The following BTBD9 variants were observed in gnomAD, a reference collection of about 807,000 sequenced individuals.
BTBD9 encodes BTB domain containing 9.
Under a neutral mutation model 64.3 loss-of-function variants are expected in BTBD9, and 49 were observed. The observed-to-expected ratio is 0.76, with a 90% CI of 0.61 to 0.97. BTBD9 has a LOEUF of 0.97. BTBD9 is among the 50% of genes least tolerant of loss of function. The pLI is 0.00. For missense variants in BTBD9, 598 were observed against 762.1 expected, an observed-to-expected ratio of 0.78 and a Z score of 2.53; for synonymous variants, 260 against 274.7, an observed-to-expected ratio of 0.95 and a Z score of 0.53.
chr6:38,363,332 AG>A lies in BTBD9; in HGVS notation c.1155-18240del, dbSNP rs376519057. ...AAGCCTTTGGGGAGGCCAAGGCAGG[AG>A]GACTGCTTGAGGCCAGGAGTTCAAG... On this transcript the variant is annotated intron_variant, in intron 6 of 10. Transcript: ENST00000481247. Among the ~76,000 whole-genome samples, 37 of 152,328 alleles carry A rather than the reference AG, an allele frequency of 2.4e-4. 1 individual carries two copies. The East Asian group carries it at 6.7e-3, about 28-fold the overall frequency.
At chr6:38,327,790 A>T in intron 7 of BTBD9, among the ~76,000 whole-genome samples, 1 of 152,248 alleles carries the variant, frequency 6.6e-6, no homozygotes, top group East Asian at 1.9e-4. Flanking sequence ...ACATAAATAG[A>T]ATCACACAGT....
intron 6 of BTBD9, among the ~76,000 whole-genome samples, chr6:38,364,855 T>C (rs1487013277): frequency 3.3e-5 from 5 of 152,182 alleles, no homozygotes; most frequent in African/African-American, 1.2e-4. Context: ...CCTGTAGATC[T>C]TGAGAAAGAG....
chr6:38,298,106 C>T (rs1762230057), intron 7 of BTBD9, among the ~76,000 whole-genome samples: 1 of 151,960 alleles, frequency 6.6e-6, no homozygotes, highest in East Asian at 1.9e-4. Context: ...CTGCCCGCCT[C>T]GGCCTCCCAA....
At chr6:38,176,395 T>C (rs1171346383) in intron 10 of BTBD9, among the ~76,000 whole-genome samples, 1 of 152,252 alleles carries the variant, frequency 6.6e-6, no homozygotes, top group African/African-American at 2.4e-5. Flanking sequence ...ATATGAAGAC[T>C]GAGACCGTGT....
chr6:38,636,795 C>CA (rs1184259531), intron 1 of BTBD9, among the ~76,000 whole-genome samples: 1 of 152,036 alleles, frequency 6.6e-6, no homozygotes, highest in Non-Finnish European at 1.5e-5. Flanking sequence ...AATTTGGCTC[C>CA]AAAAACAGCT....
chr6:38,457,761 A>G (rs2127347398), intron 6 of BTBD9, among the ~76,000 whole-genome samples: 1 of 152,324 alleles, frequency 6.6e-6, no homozygotes, highest in Middle Eastern at 3.4e-3. Flanking sequence ...TAGAGAAAAT[A>G]GGGAGTTCAG....
At chr6:38,176,233 C>T (rs773040712) in intron 10 of BTBD9, among the ~76,000 whole-genome samples, 2 of 152,172 alleles carry the variant, frequency 1.3e-5, no homozygotes, top group Non-Finnish European at 2.9e-5. Flanking sequence ...GGCCTTCTAC[C>T]GTAGAATCAA....
chr6:38,308,927 A>G (rs1029558047), intron 7 of BTBD9, among the ~76,000 whole-genome samples: 1 of 151,114 alleles, frequency 6.6e-6, no homozygotes, highest in African/African-American at 2.4e-5. Context: ...CTGGGCCAAC[A>G]GAGTTATTTT....
intron 9 of BTBD9, among the ~76,000 whole-genome samples, chr6:38,217,562 G>A (rs778374818): frequency 2.0e-5 from 3 of 152,150 alleles, no homozygotes; most frequent in African/African-American, 4.8e-5. Context: ...CTGGTCAGGC[G>A]GAGAGGTTTG....
intron 1 of BTBD9, among the ~76,000 whole-genome samples, chr6:38,599,012 T>A (rs1467642233): frequency 6.6e-6 from 1 of 152,126 alleles, no homozygotes; most frequent in Non-Finnish European, 1.5e-5. Context: ...GCTCCCCACA[T>A]CCAACAAAAG....
At chr6:38,237,405 A>T (rs1432805462) in intron 9 of BTBD9, among the ~76,000 whole-genome samples, 1 of 152,248 alleles carries the variant, frequency 6.6e-6, no homozygotes, top group Non-Finnish European at 1.5e-5. Flanking sequence ...CCTGCATGTT[A>T]GTTGCCACCA....
chr6:38,503,218 G>A (rs1247053139), intron 6 of BTBD9, among the ~76,000 whole-genome samples: 1 of 151,166 alleles, frequency 6.6e-6, no homozygotes, highest in Non-Finnish European at 1.5e-5. Context: ...ATCCCCCATC[G>A]CCCTACTCTC....
intron 8 of BTBD9, among the ~76,000 whole-genome samples, chr6:38,284,436 T>C (rs1335520537): frequency 1.3e-5 from 2 of 152,234 alleles, no homozygotes; most frequent in Non-Finnish European, 2.9e-5. Flanking sequence ...TGGGTAGAGC[T>C]AGAGGCCAAG....
intron 9 of BTBD9, among the ~76,000 whole-genome samples, chr6:38,229,055 G>A (rs976267500): frequency 5.3e-5 from 8 of 151,560 alleles, no homozygotes; most frequent in African/African-American, 1.7e-4. Flanking sequence ...AAAATTATCT[G>A]GGCATGATGA....
rs1419228563 is a variant in BTBD9, at chr6:38,599,256, A to C, written c.-27-1135T>G. Among the ~76,000 whole-genome samples, 3 of 152,168 alleles carry C rather than the reference A, an allele frequency of 2.0e-5. No individual in the cohort carries two copies. In the East Asian group the frequency reaches 5.8e-4, roughly 29 times the overall value. On this transcript the variant is annotated intron_variant, in intron 1 of 10. Transcript: ENST00000481247. ...GGGGTTATAGTCTTAGAAAGCTAAA[A>C]ATGTTTATATTTTTTAATACCGAAT...
chr6:38,370,802 A>C (rs917154140), intron 6 of BTBD9, among the ~76,000 whole-genome samples: 1 of 152,230 alleles, frequency 6.6e-6, no homozygotes, highest in African/African-American at 2.4e-5. Context: ...CAAGTACTGA[A>C]ATTTGCCCTT....
chr6:38,377,285 C>T (rs947691839), intron 6 of BTBD9, among the ~76,000 whole-genome samples: 5 of 152,120 alleles, frequency 3.3e-5, no homozygotes, highest in Non-Finnish European at 5.9e-5. Flanking sequence ...GAAACCATGT[C>T]GGTCACAGCA....
At chr6:38,519,519 T>C (rs1562289814) in intron 6 of BTBD9, among the ~76,000 whole-genome samples, 1 of 152,214 alleles carries the variant, frequency 6.6e-6, no homozygotes, top group Non-Finnish European at 1.5e-5. Flanking sequence ...CTGTAAAGTA[T>C]ACTAAACTGT....
intron 8 of BTBD9, among the ~76,000 whole-genome samples, chr6:38,281,692 C>T (rs779814619): frequency 2.0e-5 from 3 of 152,150 alleles, no homozygotes; most frequent in Non-Finnish European, 4.4e-5. Context: ...TATTTTCCAA[C>T]TGAAGAACTC....
Sources: gnomAD v4.1 joint callset for allele counts (sites outside exome capture counted in the v4.1 genomes callset) on GRCh38, gnomAD v4.1.1 for gene constraint, MANE v1.5 for transcripts, NCBI Gene and HGNC (gene_info 2026-07-23, HGNC 2026-07-21) for gene names.